The following IQCJ variants were observed in gnomAD, a reference collection of about 807,000 sequenced individuals.
IQCJ encodes IQ domain-containing protein J.
A neutral mutation model predicts 11.0 loss-of-function variants in IQCJ; 9 were observed. The ratio of observed to expected loss-of-function variants is 0.82; its 90% confidence interval spans 0.49 to 1.43. The LOEUF is 1.43. IQCJ is among the 40% of genes most tolerant of loss of function. The pLI is 0.00. For missense variants in IQCJ, 146 were observed against 133.2 expected, an observed-to-expected ratio of 1.10 and a Z score of -0.47; for synonymous variants, 55 against 51.3, an observed-to-expected ratio of 1.07 and a Z score of -0.31.
At chr3:159,101,292 C>G (rs956197551) in intron 1 of IQCJ, among the ~76,000 whole-genome samples, 2 of 151,364 alleles carry the variant, frequency 1.3e-5, no homozygotes, top group South Asian at 2.1e-4. Context: ...GAGATGAACC[C>G]GGTACCTCAG....
chr3:159,231,214 G>A (rs559064761), intron 1 of IQCJ, among the ~76,000 whole-genome samples: 2 of 152,300 alleles, frequency 1.3e-5, no homozygotes, highest in East Asian at 1.9e-4. Flanking sequence ...GCTCTACCCA[G>A]CATAGCCACA....
chr3:159,144,661 GAC>G (rs10561081), intron 1 of IQCJ, among the ~76,000 whole-genome samples: 57,948 of 150,096 alleles, frequency 0.39, 11,215 homozygotes, highest in South Asian at 0.44. Flanking sequence ...TACACACACA[GAC>G]ACACACACAC....
chr3:159,214,661 T>G (rs1725128270), intron 1 of IQCJ, among the ~76,000 whole-genome samples: 1 of 152,198 alleles, frequency 6.6e-6, no homozygotes, highest in Admixed American at 6.5e-5. Flanking sequence ...CTCCCAGCCC[T>G]ATAACATAGG....
At chr3:159,103,569 C>T (rs1340214229) in intron 1 of IQCJ, among the ~76,000 whole-genome samples, 2 of 152,204 alleles carry the variant, frequency 1.3e-5, no homozygotes, top group African/African-American at 4.8e-5. Context: ...CAAACTAAAG[C>T]TCACCATTTT....
At chr3:159,088,986 C>G (rs1717022114) in intron 1 of IQCJ, among the ~76,000 whole-genome samples, 1 of 151,736 alleles carries the variant, frequency 6.6e-6, no homozygotes, top group African/African-American at 2.4e-5. Flanking sequence ...TTATTTTGCT[C>G]ATTAGTTGAT....
In IQCJ at chr3:159,260,667, T is replaced by A. The variant is rs1295897469; in HGVS notation, c.156-1881T>A. 2.0e-5 allele frequency among the ~76,000 whole-genome samples: 3 copies of A among 152,280 alleles called. No individual in the cohort carries two copies. In the East Asian group the frequency reaches 5.8e-4, roughly 29 times the overall value. ...ATGGGACTCCCTTTCCCATTCTGCT[T>A]AAAATCTTTAAGCCAAAGAAAAACA... On this transcript the variant is annotated intron_variant, in intron 3 of 3. Coordinates refer to ENST00000397832, the MANE Select transcript of IQCJ (RefSeq NM_001042706.3).
At chr3:159,095,955 G>A (rs2108093233) in intron 1 of IQCJ, among the ~76,000 whole-genome samples, 1 of 10,038 alleles carries the variant, frequency 1.0e-4, no homozygotes, top group South Asian at 2.5e-3. Context: ...CTTCCACAAT[G>A]GTTGAACTAG....
intron 1 of IQCJ, among the ~76,000 whole-genome samples, chr3:159,072,541 T>G: frequency 6.6e-6 from 1 of 152,254 alleles, no homozygotes; most frequent in East Asian, 1.9e-4. Context: ...CTAACCTTAT[T>G]AGAGTCTGTG....
Position 159,263,190 on chromosome 3 carries a change from T to C in IQCJ, c.*459T>C. On this transcript the variant is annotated 3_prime_UTR_variant, in exon 4 of 4. Coordinates refer to ENST00000397832, the MANE Select transcript of IQCJ (RefSeq NM_001042706.3). The stretch of plus-strand genomic sequence containing the variant: ...TGTGCCCCTGGCTACACGGAGAACA[T>C]AGACCTCACCTGAAGGGCAGCGCAC... 1 of 527,478 alleles carries C rather than the reference T, an allele frequency of 1.9e-6. No individual in the cohort carries two copies. The highest frequency in any genetic ancestry group is 2.1e-5 in the African/African-American group (1 of 48,468). 32.7% of individuals were successfully genotyped at this position (527,478 alleles called of 1,614,324 possible).
At position 159,262,722 on chromosome 3, in the gene IQCJ, A is replaced by G. The variant is rs1420346146; in HGVS notation, c.330A>G (p.Thr110=). The stretch of plus-strand genomic sequence containing the variant: ...TTCTTTTTCTATGTCCTGACTTGAC[A>G]TTCAACTGAAAGCCTAGACTTTGGT... The part of the protein sequence containing the change: ...VMFLFLCPDL[T]FN Residue 110 remains threonine, a synonymous_variant, in exon 4 of 4, where the codon ACA becomes ACG. Coordinates refer to ENST00000397832, the MANE Select transcript of IQCJ (RefSeq NM_001042706.3). The G allele has an allele frequency of 5.6e-6, 9 of 1,613,136 alleles. No homozygotes were observed. Among genetic ancestry groups the G allele is most frequent in the Non-Finnish European group, 7.6e-6 (9 of 1,179,398 alleles).
At chr3:159,239,753 C>A (rs961095337) in intron 1 of IQCJ, among the ~76,000 whole-genome samples, 1 of 152,106 alleles carries the variant, frequency 6.6e-6, no homozygotes, top group Non-Finnish European at 1.5e-5. Flanking sequence ...ACAAAGGTTG[C>A]AATACAATAT....
intron 3 of IQCJ, among the ~76,000 whole-genome samples, chr3:159,260,488 C>A (rs1295614007): frequency 1.3e-5 from 2 of 152,080 alleles, no homozygotes; most frequent in Non-Finnish European, 2.9e-5. Context: ...ACTTTAGGAA[C>A]CTTCAAGCAG....
chr3:159,102,064 A>G (rs1461731624), intron 1 of IQCJ, among the ~76,000 whole-genome samples: 1 of 152,334 alleles, frequency 6.6e-6, no homozygotes, highest in South Asian at 2.1e-4. Flanking sequence ...CTTTCGCTAT[A>G]ATGAATGTCA....
At chr3:159,197,869 A>G (rs1724081122) in intron 1 of IQCJ, among the ~76,000 whole-genome samples, 1 of 152,096 alleles carries the variant, frequency 6.6e-6, no homozygotes, top group Non-Finnish European at 1.5e-5. Flanking sequence ...TTCAATTTTA[A>G]TATGATGTCT....
Position 159,252,588 on chromosome 3 carries a change from A to G in IQCJ, c.75-139A>G, listed in dbSNP as rs1045012905. ...TATGGTTACTCATCCATCATCCATC[A>G]ACAGGAACTTTAATAAATTAAAATA... On this transcript the variant is annotated intron_variant, in intron 2 of 3. Transcript: ENST00000397832. 8 of 744,456 alleles carry G rather than the reference A, an allele frequency of 1.1e-5. No individual in the cohort carries two copies. The African/African-American group carries it at 1.5e-4, about 14-fold the overall frequency. 46.1% of individuals were successfully genotyped at this position (744,456 alleles called of 1,614,324 possible). A position where few individuals can be genotyped will look rare whatever the true frequency, so the allele number is the denominator to read the frequency against.
intron 2 of IQCJ, among the ~76,000 whole-genome samples, chr3:159,250,220 T>G (rs1003163387): frequency 2.0e-5 from 3 of 152,188 alleles, no homozygotes; most frequent in African/African-American, 7.2e-5. Flanking sequence ...ATTGGTAGTT[T>G]ATAGTTTGGT....
In IQCJ at chr3:159,215,763, A is replaced by G. The variant is rs116646410; in HGVS notation, c.10-30080A>G. On this transcript the variant is annotated intron_variant, in intron 1 of 3. Coordinates refer to ENST00000397832, the MANE Select transcript of IQCJ (RefSeq NM_001042706.3). ...TTGAAAAATAGCTCAAAGGCAATGA[A>G]CAGCTGGACTCAGTTGAGAAGGATG... Among the ~76,000 whole-genome samples the G allele has an allele frequency of 1.2e-3, 183 of 152,226 alleles. 1 individual carries two copies. The highest frequency in any genetic ancestry group is 4.3e-3 in the African/African-American group (177 of 41,546).
chr3:159,081,423 T>C (rs1198132755), intron 1 of IQCJ, among the ~76,000 whole-genome samples: 1 of 152,100 alleles, frequency 6.6e-6, no homozygotes, highest in Non-Finnish European at 1.5e-5. Flanking sequence ...CCAGGCTTTG[T>C]GGCAGGAGGA....
At chr3:159,202,375 G>T (rs1724401300) in intron 1 of IQCJ, among the ~76,000 whole-genome samples, 2 of 152,190 alleles carry the variant, frequency 1.3e-5, no homozygotes, top group Non-Finnish European at 2.9e-5. Context: ...TATCAAAACA[G>T]AAGCAAATAG....
Sources: allele counts gnomAD v4.1 joint callset (sites outside exome capture counted in the v4.1 genomes callset), GRCh38; gene constraint gnomAD v4.1.1; transcripts MANE v1.5; gene names NCBI Gene and HGNC (gene_info 2026-07-23, HGNC 2026-07-21).